The following LDLRAD3 variants were observed in gnomAD, a reference collection of about 807,000 sequenced individuals.
LDLRAD3 encodes low-density lipoprotein receptor class A domain-containing protein 3.
In LDLRAD3, 20 loss-of-function variants were observed where a neutral mutation model predicts 29.4. That is an observed-to-expected ratio of 0.68 (90% CI 0.48 to 0.99). The LOEUF is 0.99. Ranked by LOEUF, LDLRAD3 falls within the 50% of genes least tolerant of loss-of-function variation. The probability of loss-of-function intolerance (pLI) is 0.00; values close to 1 mark genes in which losing one functional copy is unlikely to be tolerated. For synonymous variants in LDLRAD3, 157 were observed against 192.7 expected, an observed-to-expected ratio of 0.81 and a Z score of 1.53; for missense variants, 420 against 454.3, an observed-to-expected ratio of 0.92 and a Z score of 0.69.
At chr11:36,078,036 G>T (rs1479133611) in intron 2 of LDLRAD3, among the ~76,000 whole-genome samples, 1 of 152,130 alleles carries the variant, frequency 6.6e-6, no homozygotes, top group Non-Finnish European at 1.5e-5. Context: ...CGTAGCCAGG[G>T]TATCTTGATG....
At chr11:36,203,113 T>C (rs1211903225) in intron 4 of LDLRAD3, among the ~76,000 whole-genome samples, 1 of 151,796 alleles carries the variant, frequency 6.6e-6, no homozygotes, top group Non-Finnish European at 1.5e-5. Context: ...ATTTTTAAAT[T>C]TTTTATAGAG....
At chr11:36,103,482 G>T (rs868628696) in intron 4 of LDLRAD3, among the ~76,000 whole-genome samples, 1 of 151,876 alleles carries the variant, frequency 6.6e-6, no homozygotes, top group East Asian at 1.9e-4. Flanking sequence ...CTCATGATCC[G>T]CCCGCCTCGG....
chr11:36,130,831 G>A (rs1011946253), intron 4 of LDLRAD3, among the ~76,000 whole-genome samples: 2 of 152,238 alleles, frequency 1.3e-5, no homozygotes, highest in African/African-American at 4.8e-5. Flanking sequence ...TCTACTGGAA[G>A]GAGCCAGCTC....
chr11:35,990,018 G>C (rs2133165962), intron 1 of LDLRAD3, among the ~76,000 whole-genome samples: 1 of 152,056 alleles, frequency 6.6e-6, no homozygotes, highest in South Asian at 2.1e-4. Context: ...TTGGGCTTGG[G>C]GTTTACTTAG....
At chr11:36,094,150 C>T (rs1488365080) in intron 3 of LDLRAD3, among the ~76,000 whole-genome samples, 1 of 152,204 alleles carries the variant, frequency 6.6e-6, no homozygotes, top group African/African-American at 2.4e-5. Context: ...TCTGCCCAGG[C>T]ATTTGTCTGC....
intron 3 of LDLRAD3, among the ~76,000 whole-genome samples, chr11:36,092,903 G>A (rs1490613055): frequency 5.3e-5 from 8 of 152,190 alleles, no homozygotes; most frequent in Admixed American, 2.0e-4. Flanking sequence ...TTGCTGCTAC[G>A]TTTGGGCTGT....
chr11:36,174,423 A>G (rs1854641704), intron 4 of LDLRAD3, among the ~76,000 whole-genome samples: 1 of 152,222 alleles, frequency 6.6e-6, no homozygotes, highest in Non-Finnish European at 1.5e-5. Context: ...CAGAGTGAAC[A>G]AGCAACCTAC....
At chr11:35,954,718 A>T (rs184837040) in intron 1 of LDLRAD3, among the ~76,000 whole-genome samples, 1 of 152,352 alleles carries the variant, frequency 6.6e-6, no homozygotes, top group Non-Finnish European at 1.5e-5. Context: ...TCTTTACAGG[A>T]TATCCCTTGG....
intron 1 of LDLRAD3, among the ~76,000 whole-genome samples, chr11:35,987,730 G>A (rs1851632829): frequency 6.6e-6 from 1 of 152,170 alleles, no homozygotes; most frequent in South Asian, 2.1e-4. Context: ...ACATACGAGT[G>A]CATGTGTCTT....
At chr11:36,081,895 C>T in intron 3 of LDLRAD3, 117 bp downstream of exon 3, 1 of 1,198,200 alleles carries the variant, frequency 8.3e-7, no homozygotes, top group Non-Finnish European at 1.2e-6. Flanking sequence ...GCATTCTCTT[C>T]TGTTACCCAG....
intron 4 of LDLRAD3, among the ~76,000 whole-genome samples, chr11:36,217,778 TC>T (rs35047923): frequency 0.066 from 10,080 of 152,246 alleles, 423 homozygotes; most frequent in East Asian, 0.18. Context: ...TTCTTGGTGT[TC>T]CTTGGCTTGG....
chr11:36,094,004 G>A (rs1227985866), intron 3 of LDLRAD3, among the ~76,000 whole-genome samples: 4 of 152,194 alleles, frequency 2.6e-5, no homozygotes, highest in Non-Finnish European at 5.9e-5. Flanking sequence ...GTGATGGTGG[G>A]GATCCATCAG....
At chr11:36,167,429 A>G (rs1854530679) in intron 4 of LDLRAD3, among the ~76,000 whole-genome samples, 1 of 152,214 alleles carries the variant, frequency 6.6e-6, no homozygotes, top group African/African-American at 2.4e-5. Flanking sequence ...ATGAGGTCAT[A>G]CTGGATTAGG....
chr11:35,952,012 G>T (rs263095), intron 1 of LDLRAD3, among the ~76,000 whole-genome samples: 85,624 of 152,136 alleles, frequency 0.56, 26,782 homozygotes, highest in African/African-American at 0.84. Context: ...ACCTACCCAT[G>T]CTTTTAAAAA....
intron 4 of LDLRAD3, among the ~76,000 whole-genome samples, chr11:36,204,001 A>T (rs956111329): frequency 9.4e-6 from 1 of 106,446 alleles, no homozygotes; most frequent in African/African-American, 3.7e-5. Context: ...ATTAAGCACA[A>T]TGGCTTTTAG....
At chr11:36,200,334 G>A (rs1027304751) in intron 4 of LDLRAD3, among the ~76,000 whole-genome samples, 32 of 152,038 alleles carry the variant, frequency 2.1e-4, no homozygotes, top group African/African-American at 7.7e-4. Context: ...TCCTCAGCAC[G>A]CACTCCGGTG....
rs1853117120 is a variant in LDLRAD3 at position 36,081,694 on chromosome 11, G to A, written c.235G>A (p.Ala79Thr). 6.2e-7 allele frequency: 1 copy of A among 1,614,190 alleles called. No homozygotes were observed. The highest frequency in any genetic ancestry group is 8.5e-7 in the Non-Finnish European group (1 of 1,180,034). ...SKCGPTFFPC[A>T]SGIHCIIGRF... ...ATGTGGCCCAACCTTCTTCCCCTGT[G>A]CCAGCGGCATCCATTGCATCATTGG... The change falls in exon 3 of 6, where the codon GCC becomes ACC. Residue 79 changes from alanine (A) to threonine (T), a missense_variant. Transcript: ENST00000315571.
intron 4 of LDLRAD3, among the ~76,000 whole-genome samples, chr11:36,168,723 A>T (rs1052832887): frequency 2.6e-5 from 4 of 152,134 alleles, no homozygotes; most frequent in Non-Finnish European, 4.4e-5. Flanking sequence ...AGTGACTTCA[A>T]CATTAGCCAG....
chr11:36,229,371 C>G lies in LDLRAD3; in HGVS notation c.1012C>G (p.Pro338Ala), dbSNP rs1310145699. 6.2e-7 allele frequency: 1 copy of G among 1,612,918 alleles called. No homozygotes were observed. The highest frequency in any genetic ancestry group is 1.7e-5 in the Admixed American group (1 of 60,010). The stretch of plus-strand genomic sequence containing the variant: ...CACTGCTGAGCCCAGGGACTCTGAG[C>G]CCAGCCAGGGCACTGAAGAAGTATA... ...EGTAEPRDSE[P>A]SQGTEEV The change falls in exon 6 of 6, where the codon CCC (proline) becomes GCC (alanine). Residue 338 changes from proline to alanine, a missense_variant. By Grantham distance (27) the Pro-to-Ala change is conservative. Transcript: ENST00000315571.
Sources: allele counts gnomAD v4.1 joint callset (sites outside exome capture counted in the v4.1 genomes callset), GRCh38; gene constraint gnomAD v4.1.1; transcripts MANE v1.5; gene names NCBI Gene and HGNC (gene_info 2026-07-23, HGNC 2026-07-21).